CMKLR2: variants seen among roughly 807,000 people sequenced by gnomAD.
CMKLR2 encodes chemerin-like receptor 2.
CMKLR2 carries 18 observed loss-of-function variants against 23.0 expected under a neutral mutation model. The ratio of observed to expected loss-of-function variants is 0.78; its 90% CI spans 0.54 to 1.16. CMKLR2 has a LOEUF of 1.16. Ranked by LOEUF, CMKLR2 falls within the 50% of genes most tolerant of loss-of-function variation. The pLI is 0.00. For missense variants in CMKLR2, 401 were observed against 412.7 expected (o/e 0.97, Z 0.25); for synonymous variants, 158 against 158.9 (o/e 0.99, Z 0.05).
At chr2:206,199,710 C>G (rs1472008106) in intron 1 of CMKLR2, among the ~76,000 whole-genome samples, 2 of 151,798 alleles carry the variant, frequency 1.3e-5, no homozygotes, top group Non-Finnish European at 2.9e-5. Context: ...ATTCTCCTGC[C>G]TCACCCTCCC....
At chr2:206,212,116 T>G (rs895218866) in intron 1 of CMKLR2, among the ~76,000 whole-genome samples, 1 of 152,214 alleles carries the variant, frequency 6.6e-6, no homozygotes, top group Non-Finnish European at 1.5e-5. Context: ...GTTTTGCATA[T>G]TCAATCTTTT....
intron 1 of CMKLR2, among the ~76,000 whole-genome samples, chr2:206,182,888 G>A (rs924264122): frequency 1.3e-5 from 2 of 151,928 alleles, no homozygotes; most frequent in Admixed American, 6.6e-5. Flanking sequence ...AAAGTGCTGC[G>A]ATTACAGGAG....
At chr2:206,196,772 T>C (rs1688936103) in intron 1 of CMKLR2, among the ~76,000 whole-genome samples, 1 of 152,194 alleles carries the variant, frequency 6.6e-6, no homozygotes, top group Non-Finnish European at 1.5e-5. Flanking sequence ...TCGGGCTGGT[T>C]CTGACTCTGT....
At chr2:206,178,712 G>A (rs1184882082) in intron 1 of CMKLR2, among the ~76,000 whole-genome samples, 2 of 152,016 alleles carry the variant, frequency 1.3e-5, no homozygotes, top group East Asian at 1.9e-4. Flanking sequence ...TGCATGGCAC[G>A]ATCTCGGCTC....
chr2:206,195,482 T>C lies in CMKLR2; in HGVS notation c.-29+17825A>G, dbSNP rs528827392. On this transcript the variant is annotated intron_variant, in intron 1 of 1. Transcript: ENST00000621141. ...TTGGGTGGGCACTAAGGGAGTTTGA[T>C]CACAGCCTGGATGCTGCTGGCTGGG... 4.1e-4 allele frequency among the ~76,000 whole-genome samples: 63 copies of C among 152,288 alleles called. No homozygotes were observed. In the South Asian group the frequency reaches 0.012, roughly 29 times the overall value.
intron 1 of CMKLR2, among the ~76,000 whole-genome samples, chr2:206,195,956 A>AAAAC (rs559135003): frequency 3.3e-5 from 5 of 152,202 alleles, no homozygotes; most frequent in Non-Finnish European, 4.4e-5. Flanking sequence ...CTCCATCTCA[A>AAAAC]AAACAAACAA....
chr2:206,199,505 TG>T (rs1337788674), intron 1 of CMKLR2, among the ~76,000 whole-genome samples: 1 of 152,032 alleles, frequency 6.6e-6, no homozygotes, highest in Admixed American at 6.6e-5. Context: ...GAAAAGATCC[TG>T]GTTCAATGGT....
intron 1 of CMKLR2, among the ~76,000 whole-genome samples, chr2:206,180,622 TG>T (rs1688378619): frequency 1.3e-5 from 2 of 151,814 alleles, no homozygotes; most frequent in Admixed American, 1.3e-4. Flanking sequence ...TTTGTAGAGA[TG>T]GGGTCTTGTT....
At chr2:206,195,452 T>C (rs1688890046) in intron 1 of CMKLR2, among the ~76,000 whole-genome samples, 1 of 152,198 alleles carries the variant, frequency 6.6e-6, no homozygotes, top group Non-Finnish European at 1.5e-5. Flanking sequence ...GCAGAATGCA[T>C]TGCATTGGGT....
chr2:206,178,196 T>C (rs1279141743), intron 1 of CMKLR2, among the ~76,000 whole-genome samples: 1 of 152,142 alleles, frequency 6.6e-6, no homozygotes. Flanking sequence ...GCCCAGGAGT[T>C]TGAGGCTGCA....
rs62195401 is a variant in CMKLR2, at chr2:206,212,110, T to C, written c.-29+1197A>G. Reference sequence around the variant, plus strand: ...AGAGTAACACATCTATTATCAGTTTTGCATATTCAATCTTTTCTACTTCAT... The same window carrying C: ...AGAGTAACACATCTATTATCAGTTTCGCATATTCAATCTTTTCTACTTCAT... On this transcript the variant is annotated intron_variant, in intron 1 of 1. Transcript: ENST00000621141. 4.3e-4 allele frequency among the ~76,000 whole-genome samples: 66 copies of C among 152,304 alleles called. 1 individual carries two copies. Among genetic ancestry groups the C allele is most frequent in the Non-Finnish European group, 9.0e-4 (61 of 68,018 alleles).
At chr2:206,211,347 C>T (rs766424924) in intron 1 of CMKLR2, among the ~76,000 whole-genome samples, 9 of 152,114 alleles carry the variant, frequency 5.9e-5, no homozygotes, top group African/African-American at 1.7e-4. Flanking sequence ...TGTTTTGAGA[C>T]GGAGTCTTGC....
At chr2:206,198,578 A>G (rs188341251) in intron 1 of CMKLR2, among the ~76,000 whole-genome samples, 467 of 152,284 alleles carry the variant, frequency 3.1e-3, no homozygotes, top group Middle Eastern at 0.017. Context: ...AATGTCTTCC[A>G]GTAAATGGTT....
At chr2:206,178,399 C>T (rs1289688812) in intron 1 of CMKLR2, among the ~76,000 whole-genome samples, 2 of 152,084 alleles carry the variant, frequency 1.3e-5, no homozygotes, top group East Asian at 3.8e-4. Flanking sequence ...ATTTTGCATC[C>T]AAGGATGTTT....
At chr2:206,208,502 C>G (rs749122952) in intron 1 of CMKLR2, among the ~76,000 whole-genome samples, 2 of 152,014 alleles carry the variant, frequency 1.3e-5, no homozygotes, top group East Asian at 3.9e-4. Flanking sequence ...CTACTGCACT[C>G]CAGCCTGGGC....
At chr2:206,201,302 ATCT>A (rs1689088479) in intron 1 of CMKLR2, among the ~76,000 whole-genome samples, 1 of 152,212 alleles carries the variant, frequency 6.6e-6, no homozygotes, top group Non-Finnish European at 1.5e-5. Flanking sequence ...AAAGCAAATA[ATCT>A]TCTCCAACAG....
chr2:206,194,624 C>T (rs1688859729), intron 1 of CMKLR2, among the ~76,000 whole-genome samples: 3 of 151,286 alleles, frequency 2.0e-5, no homozygotes, highest in South Asian at 4.2e-4. Context: ...TTAGTAGAGA[C>T]AGGGTTTCAC....
intron 1 of CMKLR2, among the ~76,000 whole-genome samples, chr2:206,204,789 A>G (rs1007528634): frequency 2.0e-5 from 3 of 152,168 alleles, no homozygotes; most frequent in African/African-American, 7.2e-5. Context: ...CAACTGAAAG[A>G]CTGCTGTGAG....
intron 1 of CMKLR2, among the ~76,000 whole-genome samples, chr2:206,194,428 G>T (rs1426175262): frequency 6.7e-6 from 1 of 149,988 alleles, no homozygotes; most frequent in East Asian, 2.0e-4. Flanking sequence ...TTATTATGAT[G>T]ATTTAATGGT....
Sources: gnomAD v4.1 joint callset for allele counts (sites outside exome capture counted in the v4.1 genomes callset) on GRCh38, gnomAD v4.1.1 for gene constraint, MANE v1.5 for transcripts, NCBI Gene and HGNC (gene_info 2026-07-23, HGNC 2026-07-21) for gene names.